The following BABAM2 variants were observed in gnomAD, a reference collection of about 807,000 sequenced individuals.
BABAM2 encodes BRISC and BRCA1 A complex member 2.
BABAM2 carries 31 observed loss-of-function variants against 54.7 expected under a neutral mutation model. The ratio of observed to expected loss-of-function variants is 0.57; its 90% CI spans 0.43 to 0.77. The LOEUF is 0.77. Among genes scored for constraint, BABAM2 ranks in the 30% least tolerant of loss-of-function variants. The pLI, the probability that BABAM2 is intolerant of heterozygous loss-of-function variation, is 0.00. For missense variants in BABAM2, 364 were observed against 455.8 expected (o/e 0.80, Z 1.83); for synonymous variants, 167 against 162.9 (o/e 1.03, Z -0.19).
chr2:28,264,417 A>G (rs1251174225), intron 10 of BABAM2, among the ~76,000 whole-genome samples: 1 of 152,224 alleles, frequency 6.6e-6, no homozygotes, highest in Non-Finnish European at 1.5e-5. Flanking sequence ...TGGAAACCTC[A>G]TCTGTATTAT....
chr2:28,020,288 A>T (rs1675154190), intron 4 of BABAM2, among the ~76,000 whole-genome samples: 1 of 152,170 alleles, frequency 6.6e-6, no homozygotes, highest in Admixed American at 6.5e-5. Flanking sequence ...ACAGAAATGA[A>T]ATATGTGAAG....
chr2:28,294,336 C>T (rs1687516314), intron 10 of BABAM2, among the ~76,000 whole-genome samples: 3 of 150,852 alleles, frequency 2.0e-5, no homozygotes, highest in Admixed American at 2.0e-4. Context: ...GCCGAGATCG[C>T]ACCACTGCCC....
chr2:27,923,080 C>G (rs1368028521), intron 2 of BABAM2, among the ~76,000 whole-genome samples: 2 of 152,136 alleles, frequency 1.3e-5, no homozygotes, highest in Non-Finnish European at 2.9e-5. Context: ...AACTGCCCAG[C>G]CAAGCCATTC....
chr2:28,271,657 T>A (rs951085570), intron 10 of BABAM2, among the ~76,000 whole-genome samples: 1 of 152,206 alleles, frequency 6.6e-6, no homozygotes, highest in African/African-American at 2.4e-5. Context: ...ATAGAAGGCA[T>A]GTATCACCCC....
At chr2:28,271,027 T>C (rs1344466527) in intron 10 of BABAM2, among the ~76,000 whole-genome samples, 1 of 152,168 alleles carries the variant, frequency 6.6e-6, no homozygotes, top group Non-Finnish European at 1.5e-5. Context: ...GTACAGAATA[T>C]GTTCCAGAGC....
At chr2:27,915,475 G>T (rs1308239328) in intron 2 of BABAM2, among the ~76,000 whole-genome samples, 1 of 151,956 alleles carries the variant, frequency 6.6e-6, no homozygotes, top group Non-Finnish European at 1.5e-5. Flanking sequence ...TATTTAACTT[G>T]CACAAGGCTT....
chr2:28,049,501 A>G (rs946855472), intron 6 of BABAM2, among the ~76,000 whole-genome samples: 7 of 152,350 alleles, frequency 4.6e-5, no homozygotes, highest in South Asian at 2.1e-4. Flanking sequence ...TTTTATTGGC[A>G]TTATTTAATA....
intron 10 of BABAM2, among the ~76,000 whole-genome samples, chr2:28,289,594 G>T (rs1267989309): frequency 3.9e-5 from 6 of 152,166 alleles, no homozygotes; most frequent in African/African-American, 1.2e-4. Context: ...TTCAAGACCA[G>T]CCTGGCCAAC....
chr2:27,908,343 C>T (rs986726447), intron 2 of BABAM2, among the ~76,000 whole-genome samples: 2 of 152,060 alleles, frequency 1.3e-5, no homozygotes, highest in African/African-American at 4.8e-5. Context: ...ATGACCACAG[C>T]TCACTGCAGC....
intron 10 of BABAM2, among the ~76,000 whole-genome samples, chr2:28,265,589 C>T (rs1451782577): frequency 6.6e-6 from 1 of 152,060 alleles, no homozygotes. Flanking sequence ...TAGGGCTTGA[C>T]CAGAATTCTC....
intron 3 of BABAM2, among the ~76,000 whole-genome samples, chr2:27,946,654 AGAGAGAG>A (rs1177368073): frequency 1.3e-5 from 2 of 152,010 alleles, no homozygotes; most frequent in African/African-American, 2.4e-5. Context: ...GAGAGGCGAG[AGAGAGAG>A]GAGAGAGGAG....
intron 7 of BABAM2, among the ~76,000 whole-genome samples, chr2:28,166,026 T>C (rs1050056904): frequency 3.9e-5 from 6 of 152,112 alleles, no homozygotes; most frequent in Admixed American, 3.9e-4. Context: ...AATGTCCTTA[T>C]AATAAGAGGA....
chr2:28,078,917 C>T (rs1047135906), intron 6 of BABAM2, among the ~76,000 whole-genome samples: 4 of 152,048 alleles, frequency 2.6e-5, no homozygotes, highest in African/African-American at 9.7e-5. Context: ...TCCTTCCATC[C>T]TTCCTTCGTT....
chr2:28,338,563 T>C lies in BABAM2; in HGVS notation c.*50T>C. On this transcript the variant is annotated 3_prime_UTR_variant, in exon 12 of 12. Transcript: ENST00000379624. ...CAGCCAGACTGCCTGTCCACATGCG[T>C]GTCAGCACATACAGCCGCTTCCTGG... 2 of 1,596,410 alleles carry C rather than the reference T, an allele frequency of 1.3e-6. No individual in the cohort carries two copies.
intron 7 of BABAM2, among the ~76,000 whole-genome samples, chr2:28,192,075 C>A (rs1015366044): frequency 1.1e-4 from 16 of 152,132 alleles, no homozygotes; most frequent in African/African-American, 3.9e-4. Flanking sequence ...CACTCTGTCA[C>A]CCAGGCTGGA....
At chr2:27,972,023 A>G (rs1671259713) in intron 3 of BABAM2, among the ~76,000 whole-genome samples, 1 of 152,210 alleles carries the variant, frequency 6.6e-6, no homozygotes, top group African/African-American at 2.4e-5. Context: ...TAAGTATAAC[A>G]AAAATACAAG....
chr2:28,076,527 G>T (rs1325017225), intron 6 of BABAM2, among the ~76,000 whole-genome samples: 1 of 151,504 alleles, frequency 6.6e-6, no homozygotes. Flanking sequence ...ACAGAGTCTT[G>T]CTCTGTCACC....
At chr2:28,326,236 C>G (rs535958913) in intron 11 of BABAM2, among the ~76,000 whole-genome samples, 1 of 152,200 alleles carries the variant, frequency 6.6e-6, no homozygotes, top group African/African-American at 2.4e-5. Flanking sequence ...AGGTGAGCTG[C>G]GTGAGTAGCC....
intron 4 of BABAM2, among the ~76,000 whole-genome samples, chr2:28,006,598 C>T (rs929200182): frequency 5.9e-5 from 9 of 151,996 alleles, no homozygotes; most frequent in African/African-American, 1.4e-4. Context: ...TCACCTAAAA[C>T]GTCCCTAACT....
Sources: gnomAD v4.1 joint callset for allele counts (sites outside exome capture counted in the v4.1 genomes callset) on GRCh38, gnomAD v4.1.1 for gene constraint, MANE v1.5 for transcripts, NCBI Gene and HGNC (gene_info 2026-07-23, HGNC 2026-07-21) for gene names.